Variants in NFATC2 observed in about 807,000 individuals in gnomAD.
NFATC2 encodes the protein nuclear factor of activated T cells 2, also known as nuclear factor of activated T-cells, cytoplasmic 2.
In NFATC2, 22 loss-of-function variants were observed where a neutral mutation model predicts 87.3. That is an observed-to-expected ratio of 0.25 (90% CI 0.18 to 0.36). NFATC2 has a LOEUF of 0.36. Ranked by LOEUF, NFATC2 falls within the 10% of genes least tolerant of loss-of-function variation. The probability of loss-of-function intolerance (pLI) is 1.00; values close to 1 mark genes in which losing one functional copy is unlikely to be tolerated. For missense variants in NFATC2, 1,149 were observed against 1,259.1 expected (o/e 0.91, Z 1.32); for synonymous variants, 565 against 542.2 (o/e 1.04, Z -0.58).
At chr20:51,437,360 C>T (rs796091203) in intron 6 of NFATC2, among the ~76,000 whole-genome samples, 9 of 152,342 alleles carry the variant, frequency 5.9e-5, no homozygotes, top group African/African-American at 2.2e-4. Context: ...CAGGACTTCT[C>T]AGAAGCTTTA....
At chr20:51,548,504 C>A (rs2076907575) in intron 1 of NFATC2, among the ~76,000 whole-genome samples, 1 of 152,184 alleles carries the variant, frequency 6.6e-6, no homozygotes. Context: ...TTAGCAAATA[C>A]AAATACAGGA....
intron 1 of NFATC2, among the ~76,000 whole-genome samples, chr20:51,527,568 C>T (rs373241758): frequency 3.0e-4 from 46 of 152,270 alleles, no homozygotes; most frequent in African/African-American, 1.1e-3. Context: ...TGCCCCTAAG[C>T]ACTTGGAATG....
intron 10 of NFATC2, among the ~76,000 whole-genome samples, chr20:51,393,680 A>G (rs927947233): frequency 2.0e-5 from 3 of 152,192 alleles, no homozygotes; most frequent in African/African-American, 7.2e-5. Flanking sequence ...AGCGAAAGCC[A>G]AATGCCCGGG....
rs145325613 is a variant in NFATC2, at chr20:51,523,264, C to T, written c.977G>A (p.Ser326Asn). ...CGIPPKMWKT[S>N]PDPSPVSAAP... Reference sequence around the variant, plus strand: ...GGCAGACACCGGCGAGGGGTCAGGGCTGGTCTTCCACATCTTGGGGGGGAT... The same window carrying T: ...GGCAGACACCGGCGAGGGGTCAGGGTTGGTCTTCCACATCTTGGGGGGGAT... Residue 326 changes from serine (S) to asparagine (N), a missense_variant, in exon 2 of 11, where the codon AGC becomes AAC. Around this residue, in one of 3 missense-constraint regions of NFATC2, gnomAD observed 563 missense variants for 585.2 expected, o/e 0.96. Coordinates refer to ENST00000371564, the MANE Select transcript of NFATC2 (RefSeq NM_012340.5). This position sits in a 1 kb window ranked among gnomAD's most constrained non-coding sequence, Gnocchi z 6.9. 2.2e-5 allele frequency: 36 copies of T among 1,613,730 alleles called. No individual in the cohort carries two copies. In the Middle Eastern group the frequency reaches 1.3e-3, roughly 59 times the overall value.
intron 9 of NFATC2, among the ~76,000 whole-genome samples, chr20:51,403,992 C>T (rs184376508): frequency 2.6e-4 from 40 of 152,304 alleles, no homozygotes; most frequent in Admixed American, 9.2e-4. Context: ...GCAGACATCC[C>T]TCTATTTTAG....
rs752614773 is a variant in NFATC2 at position 51,523,201 on chromosome 20, G to A, written c.1040C>T (p.Pro347Leu). Reference sequence around the variant, plus strand: ...GCAGGGCCCCAGGAACTCCACGGCCGGGTAGATGTGGCGAGGCAGGCCGGC... The same window carrying A: ...GCAGGGCCCCAGGAACTCCACGGCCAGGTAGATGTGGCGAGGCAGGCCGGC... ...SKAGLPRHIYPAVEFLGPCEQ... is the reference protein window; with the variant it reads ...SKAGLPRHIYLAVEFLGPCEQ... Residue 347 changes from proline (P) to leucine (L), a missense_variant, in exon 2 of 11, where the codon CCG becomes CTG. Transcript: ENST00000371564. This position sits in a 1 kb window ranked among gnomAD's most constrained non-coding sequence, Gnocchi z 6.9. 4 of 1,614,094 alleles carry A rather than the reference G, an allele frequency of 2.5e-6. No homozygotes were observed. Among genetic ancestry groups the A allele is most frequent in the Non-Finnish European group, 2.5e-6 (3 of 1,179,976 alleles).
At chr20:51,456,371 T>A (rs938527147) in intron 5 of NFATC2, among the ~76,000 whole-genome samples, 1 of 152,050 alleles carries the variant, frequency 6.6e-6, no homozygotes, top group Admixed American at 6.5e-5. Context: ...AAACCAAAGC[T>A]AAGAGGAGTA....
chr20:51,522,966 A>G, intron 2 of NFATC2, 115 bp downstream of exon 2: 2 of 1,412,544 alleles, frequency 1.4e-6, no homozygotes, highest in Non-Finnish European at 1.9e-6. Flanking sequence ...CCAAGCCAAG[A>G]TTTAAATCCA....
intron 2 of NFATC2, among the ~76,000 whole-genome samples, chr20:51,517,968 A>C (rs1043414382): frequency 3.9e-5 from 6 of 152,084 alleles, no homozygotes; most frequent in Middle Eastern, 3.4e-3. Flanking sequence ...GACCACCCCC[A>C]CATATGGGGT....
intron 6 of NFATC2, among the ~76,000 whole-genome samples, chr20:51,443,446 C>T (rs1984638539): frequency 1.3e-5 from 2 of 152,188 alleles, no homozygotes; most frequent in Non-Finnish European, 2.9e-5. Context: ...AACATCTGAC[C>T]ACTGACCTCT....
chr20:51,414,191 G>GTGTGCAAA (rs11473119), intron 9 of NFATC2, among the ~76,000 whole-genome samples: 9 of 151,654 alleles, frequency 5.9e-5, no homozygotes, highest in Non-Finnish European at 8.9e-5. Flanking sequence ...GCCAGCCCAG[G>GTGTGCAAA]GGCAGTCAGC....
At chr20:51,428,104 G>A (rs543726470) in intron 9 of NFATC2, among the ~76,000 whole-genome samples, 1 of 152,200 alleles carries the variant, frequency 6.6e-6, no homozygotes, top group African/African-American at 2.4e-5. Context: ...AAGGGAGAGA[G>A]GGAAGAAGGA....
chr20:51,508,091 AT>A (rs1373577258), intron 3 of NFATC2, among the ~76,000 whole-genome samples: 2 of 152,074 alleles, frequency 1.3e-5, no homozygotes, highest in African/African-American at 4.8e-5. Flanking sequence ...GGCAACAGCT[AT>A]TTCTCCAAGA....
At chr20:51,468,710 C>T (rs897712899) in intron 5 of NFATC2, among the ~76,000 whole-genome samples, 1 of 152,218 alleles carries the variant, frequency 6.6e-6, no homozygotes, top group Non-Finnish European at 1.5e-5. Flanking sequence ...TGCTGAGCCC[C>T]GGCAAACATT....
At chr20:51,535,875 C>G (rs748301464) in intron 1 of NFATC2, among the ~76,000 whole-genome samples, 1 of 152,200 alleles carries the variant, frequency 6.6e-6, no homozygotes, top group African/African-American at 2.4e-5. Flanking sequence ...TGAAGAAATG[C>G]TCTTTTTCCA....
upstream of NFATC2, among the ~76,000 whole-genome samples, chr20:51,544,355 G>C (rs1047030943): frequency 6.6e-6 from 1 of 152,098 alleles, no homozygotes; most frequent in African/African-American, 2.4e-5. Flanking sequence ...GATTAGACGG[G>C]AGAGGTCTTA....
In NFATC2 at chr20:51,423,995, G is replaced by A. The variant is rs530430607; in HGVS notation, c.2722+8072C>T. Among the ~76,000 whole-genome samples, 3 of 152,266 alleles carry A rather than the reference G, an allele frequency of 2.0e-5. No homozygotes were observed. The East Asian group carries it at 5.8e-4, about 29-fold the overall frequency. On this transcript the variant is annotated intron_variant, in intron 9 of 10. Transcript: ENST00000371564. ...CAGAAATGCAGAGTCCACATCATTC[G>A]GGATGAAAGGACAGCTAAGTGGCAC...
chr20:51,514,130 T>C (rs745858617), intron 3 of NFATC2, among the ~76,000 whole-genome samples: 54 of 152,230 alleles, frequency 3.5e-4, no homozygotes, highest in Non-Finnish European at 1.9e-4. Flanking sequence ...TTCTAAATGT[T>C]TATTATTACT....
At chr20:51,451,595 C>T (rs1256704243) in intron 6 of NFATC2, among the ~76,000 whole-genome samples, 3 of 152,206 alleles carry the variant, frequency 2.0e-5, no homozygotes, top group African/African-American at 2.4e-5. Context: ...GACCACAGAC[C>T]GGTACTAGGC....
Sources: gnomAD v4.1 joint callset for allele counts (sites outside exome capture counted in the v4.1 genomes callset) on GRCh38, gnomAD v4.1.1 for gene constraint, gnomAD v4.1.1 regional missense constraint, Gnocchi (gnomAD v3.1) non-coding constraint, MANE v1.5 for transcripts, NCBI Gene and HGNC (gene_info 2026-07-23, HGNC 2026-07-21) for gene names.